Variants in ABCC1 observed in about 807,000 individuals in gnomAD.
ABCC1 encodes multidrug resistance-associated protein 1.
Under a neutral mutation model 172.9 loss-of-function variants are expected in ABCC1, and 83 were observed. The observed-to-expected ratio is 0.48, with a 90% confidence interval of 0.40 to 0.58. ABCC1 has a LOEUF of 0.58. Among genes scored for constraint, ABCC1 ranks in the 20% least tolerant of loss-of-function variants. The pLI is 0.00. For synonymous variants in ABCC1, 937 were observed against 825.2 expected (o/e 1.14, Z -2.32); for missense variants, 1,817 against 2,002.7 (o/e 0.91, Z 1.77).
chr16:16,115,113 A>G (rs756003529), intron 23 of ABCC1, 37 bp downstream of exon 23: 11 of 1,593,928 alleles, frequency 6.9e-6, no homozygotes, highest in South Asian at 1.1e-5. Flanking sequence ...GACAAGCCCT[A>G]CTGTGCATTA....
chr16:16,139,132 C>G (rs964725547), intron 30 of ABCC1, among the ~76,000 whole-genome samples: 1 of 152,168 alleles, frequency 6.6e-6, no homozygotes, highest in Non-Finnish European at 1.5e-5. Context: ...GACCAAGTAG[C>G]TTATTAGATG....
At chr16:16,136,180 T>C (rs2045909579) in intron 28 of ABCC1, among the ~76,000 whole-genome samples, 1 of 152,012 alleles carries the variant, frequency 6.6e-6, no homozygotes, top group African/African-American at 2.4e-5. Flanking sequence ...TGCACCACCA[T>C]GCCCAGCTAA....
chr16:16,080,238 T>A (rs970239195), intron 16 of ABCC1, among the ~76,000 whole-genome samples: 1 of 152,202 alleles, frequency 6.6e-6, no homozygotes, highest in African/African-American at 2.4e-5. Flanking sequence ...TTGTTCTTTA[T>A]CTTTATGGAT....
intron 1 of ABCC1, among the ~76,000 whole-genome samples, chr16:16,002,042 TTG>T (rs1021669205): frequency 3.3e-5 from 5 of 152,312 alleles, no homozygotes; most frequent in Admixed American, 6.5e-5. Flanking sequence ...ATCAACACTC[TTG>T]CTTGAGTGTG....
intron 1 of ABCC1, among the ~76,000 whole-genome samples, chr16:16,004,930 G>A (rs2047468953): frequency 6.6e-6 from 1 of 152,020 alleles, no homozygotes; most frequent in Admixed American, 6.6e-5. Flanking sequence ...CTCCCAAAGT[G>A]CTGGGATTAC....
chr16:16,081,163 T>C (rs2050791794), intron 16 of ABCC1, among the ~76,000 whole-genome samples: 1 of 152,234 alleles, frequency 6.6e-6, no homozygotes, highest in Non-Finnish European at 1.5e-5. Context: ...CCACCGCTCC[T>C]GGCCTAGTTA....
chr16:16,049,677 A>G (rs993334397), intron 10 of ABCC1, among the ~76,000 whole-genome samples: 2 of 151,864 alleles, frequency 1.3e-5, no homozygotes, highest in Admixed American at 1.3e-4. Context: ...TTTCTGAAAT[A>G]GTTTTTTTTG....
intron 12 of ABCC1, among the ~76,000 whole-genome samples, chr16:16,065,977 G>T (rs541668400): frequency 6.6e-6 from 1 of 151,796 alleles, no homozygotes; most frequent in African/African-American, 2.4e-5. Context: ...CACCCAGTGG[G>T]TTTTTTGTAT....
intron 23 of ABCC1, among the ~76,000 whole-genome samples, chr16:16,117,115 ATG>A (rs2152101871): frequency 6.6e-6 from 1 of 152,300 alleles, no homozygotes; most frequent in Non-Finnish European, 1.5e-5. Context: ...AACCGAAACC[ATG>A]TGTGTTAGTT....
chr16:16,090,128 G>A (rs1265446553), intron 18 of ABCC1, among the ~76,000 whole-genome samples: 1 of 152,206 alleles, frequency 6.6e-6, no homozygotes, highest in African/African-American at 2.4e-5. Flanking sequence ...CTGCGGCCCT[G>A]GAATCTGGGG....
intron 3 of ABCC1, among the ~76,000 whole-genome samples, chr16:16,012,194 A>C (rs2047811140): frequency 6.6e-6 from 1 of 152,158 alleles, no homozygotes; most frequent in African/African-American, 2.4e-5. Flanking sequence ...CGTTGTAAAT[A>C]AGGTAAGCAA....
chr16:16,028,271 A>G (rs1258853953), intron 5 of ABCC1, among the ~76,000 whole-genome samples: 1 of 151,948 alleles, frequency 6.6e-6, no homozygotes, highest in Non-Finnish European at 1.5e-5. Context: ...GTAATTATAT[A>G]TTTGTTTGCA....
chr16:16,075,470 CA>C (rs994298230), intron 14 of ABCC1, among the ~76,000 whole-genome samples: 13 of 148,320 alleles, frequency 8.8e-5, no homozygotes, highest in Non-Finnish European at 1.0e-4. Context: ...ACAAAAAATA[CA>C]AAAAAAAAAT....
chr16:15,992,729 G>A (rs1035289348), intron 1 of ABCC1, among the ~76,000 whole-genome samples: 1 of 152,306 alleles, frequency 6.6e-6, no homozygotes, highest in Non-Finnish European at 1.5e-5. Context: ...ATGTGAATTA[G>A]GCGATGCCAT....
chr16:16,113,508 C>T (rs777268192), intron 22 of ABCC1, among the ~76,000 whole-genome samples: 1 of 151,974 alleles, frequency 6.6e-6, no homozygotes, highest in South Asian at 2.1e-4. Context: ...TACAAAAATT[C>T]GCTGGGCGTG....
intron 5 of ABCC1, among the ~76,000 whole-genome samples, chr16:16,023,244 T>C (rs772011716): frequency 1.4e-4 from 21 of 152,162 alleles, no homozygotes; most frequent in Non-Finnish European, 2.6e-4. Context: ...CTTCGAAATA[T>C]ATTAGTATTC....
intron 26 of ABCC1, among the ~76,000 whole-genome samples, chr16:16,129,175 G>T (rs1055300564): frequency 1.3e-5 from 2 of 151,958 alleles, no homozygotes. Flanking sequence ...TTCTTTTAAC[G>T]TAAGTGGAAT....
At chr16:15,990,816 AT>A (rs57111358) in intron 1 of ABCC1, among the ~76,000 whole-genome samples, 60,894 of 118,092 alleles carry the variant, frequency 0.52, 15,929 homozygotes, top group South Asian at 0.66. Flanking sequence ...CGCCCGGCTA[AT>A]TTTTTTTTTT....
chr16:15,992,441 C>T (rs929188359), intron 1 of ABCC1, among the ~76,000 whole-genome samples: 2 of 152,112 alleles, frequency 1.3e-5, no homozygotes, highest in Non-Finnish European at 2.9e-5. Context: ...GCTCTGTTGC[C>T]CAGGCTGGAG....
Sources: allele counts gnomAD v4.1 joint callset (sites outside exome capture counted in the v4.1 genomes callset), GRCh38; gene constraint gnomAD v4.1.1; transcripts MANE v1.5; gene names NCBI Gene and HGNC (gene_info 2026-07-23, HGNC 2026-07-21).